ADGRB3: variants seen among roughly 807,000 people sequenced by gnomAD.
ADGRB3 encodes adhesion G protein-coupled receptor B3.
A neutral mutation model predicts 193.4 loss-of-function variants in ADGRB3; 37 were observed. The observed-to-expected ratio is 0.19, with a 90% CI of 0.15 to 0.25. The LOEUF (loss-of-function observed/expected upper bound fraction) is 0.25, where lower values mean the gene tolerates loss of function less well. Among genes scored for constraint, ADGRB3 ranks in the 10% least tolerant of loss-of-function variants. The pLI, the probability that ADGRB3 is intolerant of heterozygous loss-of-function variation, is 1.00. For synonymous variants in ADGRB3, 690 were observed against 644.2 expected, an observed-to-expected ratio of 1.07 and a Z score of -1.08; for missense variants, 1,637 against 1,852.9, an observed-to-expected ratio of 0.88 and a Z score of 2.14.
intron 3 of ADGRB3, among the ~76,000 whole-genome samples, chr6:68,868,704 A>C (rs1360121769): frequency 1.3e-5 from 2 of 152,200 alleles, no homozygotes; most frequent in Non-Finnish European, 2.9e-5. Context: ...GAATTGTCAT[A>C]ACCTTGATAA....
At chr6:68,980,653 T>C (rs955423309) in intron 10 of ADGRB3, among the ~76,000 whole-genome samples, 1 of 151,574 alleles carries the variant, frequency 6.6e-6, no homozygotes, top group Non-Finnish European at 1.5e-5. Flanking sequence ...TTATTGTTTC[T>C]TCAATGAGCA....
At chr6:68,935,749 A>G (rs980128653) in intron 4 of ADGRB3, among the ~76,000 whole-genome samples, 3 of 152,150 alleles carry the variant, frequency 2.0e-5, no homozygotes, top group African/African-American at 7.2e-5. Context: ...AATTCGACAT[A>G]GTTTTATTGA....
At chr6:68,753,437 T>C (rs1026626874) in intron 3 of ADGRB3, among the ~76,000 whole-genome samples, 1 of 152,188 alleles carries the variant, frequency 6.6e-6, no homozygotes, top group Non-Finnish European at 1.5e-5. Context: ...CAAAGCAATT[T>C]GGAATTAGTC....
chr6:69,183,736 C>T (rs1765000872), intron 17 of ADGRB3, among the ~76,000 whole-genome samples: 1 of 152,046 alleles, frequency 6.6e-6, no homozygotes, highest in Non-Finnish European at 1.5e-5. Context: ...TAACTTCTCT[C>T]AGATATGTAA....
At chr6:69,069,396 T>C (rs1445223065) in intron 16 of ADGRB3, among the ~76,000 whole-genome samples, 2 of 151,656 alleles carry the variant, frequency 1.3e-5, no homozygotes, top group African/African-American at 2.4e-5. Context: ...TTACGTCTAC[T>C]AATGTCTTGC....
At position 69,339,457 on chromosome 6, in the gene ADGRB3, T is replaced by A; in HGVS notation, c.3412T>A (p.Leu1138Met). ...AATACTTTTTGCTGTGTTTGATTCA[T>A]TGCAAGGCTTTGTTATAGTCATGGT... The part of the protein sequence containing the change: ...FQILFAVFDS[L>M]QGFVIVMVHC... Residue 1138 changes from leucine to methionine, a missense_variant, in exon 26 of 32, where the codon TTG (leucine) becomes ATG (methionine). Around this residue, in one of 7 missense-constraint regions of ADGRB3, gnomAD observed 116 missense variants for 168.1 expected, o/e 0.69. Transcript: ENST00000370598. 1 of 1,614,034 alleles carries A rather than the reference T, an allele frequency of 6.2e-7. No homozygotes were observed. The highest frequency in any genetic ancestry group is 1.3e-5 in the African/African-American group (1 of 75,054).
chr6:68,831,696 C>T (rs62418570), intron 3 of ADGRB3, among the ~76,000 whole-genome samples: 16,102 of 151,964 alleles, frequency 0.11, 967 homozygotes, highest in Non-Finnish European at 0.13. Context: ...TGGAAGTCAA[C>T]GTGGAAATAG....
intron 20 of ADGRB3, among the ~76,000 whole-genome samples, chr6:69,307,505 A>C (rs1037435931): frequency 6.6e-6 from 1 of 151,638 alleles, no homozygotes; most frequent in Non-Finnish European, 1.5e-5. Context: ...GAAAAGTTTC[A>C]TTATAAGCAT....
intron 17 of ADGRB3, among the ~76,000 whole-genome samples, chr6:69,210,171 A>ATATATATATATATATATATATAT (rs1561953604): frequency 7.6e-5 from 3 of 39,372 alleles, no homozygotes; most frequent in African/African-American, 1.8e-4. Context: ...TATATATATA[A>ATATATATATATATATATATATAT]AGGGGAGTTT....
intron 17 of ADGRB3, among the ~76,000 whole-genome samples, chr6:69,156,529 C>A (rs1263489165): frequency 1.9e-4 from 29 of 152,122 alleles, no homozygotes; most frequent in Admixed American, 1.9e-3. Flanking sequence ...AAAGAGAGTT[C>A]ATCTGGGGTC....
chr6:69,360,967 C>G lies in ADGRB3; in HGVS notation c.3694C>G (p.Pro1232Ala). 1.2e-6 allele frequency: 2 copies of G among 1,612,570 alleles called. No individual in the cohort carries two copies. Among genetic ancestry groups the G allele is most frequent in the Non-Finnish European group, 1.7e-6 (2 of 1,179,160 alleles). ...NDDEEEKGTN[P>A]EGLSYSTLPG... ...TGATGAAGAAGAAAAGGGAACAAAC[C>G]CTGAAGGGCTAAGCTATTCAACATT... The change falls in exon 29 of 32, where the codon CCT becomes GCT. Residue 1232 changes from proline (P) to alanine (A), a missense_variant. Pro to Ala is a conservative substitution (Grantham distance 27). This residue lies in a region of ADGRB3 where 368 missense variants were observed against 367.4 expected (regional missense o/e 1.00). Coordinates refer to ENST00000370598, the MANE Select transcript of ADGRB3 (RefSeq NM_001704.3).
At position 68,868,951 on chromosome 6, in the gene ADGRB3, G is replaced by GTGTGTT. The variant is rs781022363; in HGVS notation, c.758-61607_758-61606insGTGTTT. 3.2e-3 allele frequency among the ~76,000 whole-genome samples: 486 copies of GTGTGTT among 150,466 alleles called. 3 individuals carry two copies. Among genetic ancestry groups the GTGTGTT allele is most frequent in the South Asian group, 8.4e-3 (40 of 4,736 alleles). ...TGTGTGTGTGTGTGTGAGTGTGTGTGTTTAAACTTAATCTTAGCATCCTAT... is the reference window on the plus strand; with the variant it reads ...TGTGTGTGTGTGTGTGAGTGTGTGTGTGTGTTTTTAAACTTAATCTTAGCATCCTAT... On this transcript the variant is annotated intron_variant, in intron 3 of 31. Transcript: ENST00000370598.
chr6:69,133,823 A>T (rs565892030), intron 17 of ADGRB3, among the ~76,000 whole-genome samples: 1 of 151,976 alleles, frequency 6.6e-6, no homozygotes, highest in African/African-American at 2.4e-5. Context: ...GTGGTCTTTT[A>T]TCCCTCACCT....
At chr6:69,044,359 G>A (rs1409022060) in intron 13 of ADGRB3, among the ~76,000 whole-genome samples, 1 of 152,158 alleles carries the variant, frequency 6.6e-6, no homozygotes, top group Non-Finnish European at 1.5e-5. Context: ...TCACAACCAG[G>A]ATGAATAAGA....
chr6:69,205,150 T>G (rs1165527118), intron 17 of ADGRB3, among the ~76,000 whole-genome samples: 1 of 152,200 alleles, frequency 6.6e-6, no homozygotes, highest in Non-Finnish European at 1.5e-5. Flanking sequence ...TGAATATTGC[T>G]TAACACTCCT....
chr6:69,040,366 T>TTTCC lies in ADGRB3; in HGVS notation c.2108-7816_2108-7815insCTTC, dbSNP rs1562133233. On this transcript the variant is annotated intron_variant, in intron 13 of 31. Transcript: ENST00000370598. ...CTTTCTTTCTTTCTTTCTTTCTTTC[T>TTTCC]TTCTTTCTTTCCTTCTCTCTCTTTC... 1.5e-4 allele frequency among the ~76,000 whole-genome samples: 8 copies of TTTCC among 54,674 alleles called. 1 individual carries two copies. In the East Asian group the frequency reaches 8.3e-3, roughly 57 times the overall value. 35.9% of individuals were successfully genotyped at this position (54,674 alleles called of 152,430 possible).
chr6:68,765,619 C>T (rs1240080359), intron 3 of ADGRB3, among the ~76,000 whole-genome samples: 1 of 150,736 alleles, frequency 6.6e-6, no homozygotes, highest in Non-Finnish European at 1.5e-5. Flanking sequence ...TCATAGTGTG[C>T]TATAATTATT....
intron 3 of ADGRB3, among the ~76,000 whole-genome samples, chr6:68,692,481 T>A (rs2127303001): frequency 6.6e-6 from 1 of 152,038 alleles, no homozygotes; most frequent in East Asian, 1.9e-4. Context: ...ATTTTTTCCC[T>A]AATTTTAAAA....
chr6:68,786,325 T>C (rs1766968744), intron 3 of ADGRB3, among the ~76,000 whole-genome samples: 1 of 152,290 alleles, frequency 6.6e-6, no homozygotes, highest in East Asian at 1.9e-4. Flanking sequence ...TGAATTAATT[T>C]TTGTATAAGG....
Sources: allele counts gnomAD v4.1 joint callset (sites outside exome capture counted in the v4.1 genomes callset), GRCh38; gene constraint gnomAD v4.1.1; regional missense constraint gnomAD v4.1.1; transcripts MANE v1.5; gene names NCBI Gene and HGNC (gene_info 2026-07-23, HGNC 2026-07-21).